The following ZMYM2 variants were observed in gnomAD, a reference collection of about 807,000 sequenced individuals.
ZMYM2 encodes zinc finger MYM-type containing 2.
Under a neutral mutation model 162.8 loss-of-function variants are expected in ZMYM2, and 56 were observed. That is an observed-to-expected ratio of 0.34 (90% CI 0.28 to 0.43). ZMYM2 has a LOEUF of 0.43. Among genes scored for constraint, ZMYM2 ranks in the 20% least tolerant of loss-of-function variants. ZMYM2 has a pLI of 1.00. For missense variants in ZMYM2, 1,275 were observed against 1,621.8 expected (o/e 0.79, Z 3.67); for synonymous variants, 510 against 541.6 (o/e 0.94, Z 0.81).
chr13:19,992,936 G>A (rs888483818), intron 2 of ZMYM2, 127 bp from the exon 3 acceptor site: 2 of 1,075,070 alleles, frequency 1.9e-6, no homozygotes, highest in Non-Finnish European at 1.3e-6. Context: ...TTTCCTGAAT[G>A]TTAGACAAGA....
intron 23 of ZMYM2, 100 bp downstream of exon 23, chr13:20,083,132 G>A (rs1320991208): frequency 1.9e-5 from 24 of 1,266,232 alleles, no homozygotes; most frequent in South Asian, 3.4e-5. Flanking sequence ...GTGCAGTCTC[G>A]GCTCACCGCA....
the ZMYM2 span, among the ~76,000 whole-genome samples, chr13:19,922,546 A>G: frequency 6.6e-6 from 1 of 152,066 alleles, no homozygotes; most frequent in East Asian, 1.9e-4. Flanking sequence ...TTTTCTCCAT[A>G]TGAAAAGCCA....
chr13:20,007,969 G>C (rs1950880167), intron 6 of ZMYM2, among the ~76,000 whole-genome samples: 1 of 152,060 alleles, frequency 6.6e-6, no homozygotes, highest in South Asian at 2.1e-4. Context: ...CTCACGCAAA[G>C]TTTTGTTTTT....
the ZMYM2 span, among the ~76,000 whole-genome samples, chr13:19,904,191 AT>A: frequency 5.2e-3 from 419 of 80,744 alleles, 1 homozygote; most frequent in African/African-American, 0.01. Flanking sequence ...AGTTCAACAC[AT>A]TTTTTTTTTA....
chr13:19,936,548 C>G, the ZMYM2 span, among the ~76,000 whole-genome samples: 1 of 151,934 alleles, frequency 6.6e-6, no homozygotes, highest in Non-Finnish European at 1.5e-5. Flanking sequence ...ATGGCGAAAC[C>G]CTGTCTCTAC....
chr13:20,039,929 A>G (rs1246924065), intron 12 of ZMYM2, among the ~76,000 whole-genome samples: 1 of 152,200 alleles, frequency 6.6e-6, no homozygotes, highest in Non-Finnish European at 1.5e-5. Context: ...CATCCCAGTG[A>G]TAGAGCCTAC....
At chr13:19,962,078 A>G (rs1594024218) in intron 2 of ZMYM2, among the ~76,000 whole-genome samples, 1 of 152,172 alleles carries the variant, frequency 6.6e-6, no homozygotes, top group South Asian at 2.1e-4. Context: ...GGGCTTTTGT[A>G]TCTCATGTGG....
At chr13:19,951,947 G>T in the ZMYM2 span, among the ~76,000 whole-genome samples, 1 of 152,108 alleles carries the variant, frequency 6.6e-6, no homozygotes, top group Admixed American at 6.6e-5. Flanking sequence ...CATGTTCATT[G>T]CAGTATTATT....
At chr13:19,904,308 G>T in the ZMYM2 span, among the ~76,000 whole-genome samples, 1 of 152,172 alleles carries the variant, frequency 6.6e-6, no homozygotes, top group Middle Eastern at 3.4e-3. Flanking sequence ...TGTAATCCCA[G>T]CACTTTGGGA....
chr13:20,019,764 A>C, intron 7 of ZMYM2, 146 bp downstream of exon 7: 1 of 694,010 alleles, frequency 1.4e-6, no homozygotes, highest in Non-Finnish European at 2.5e-6. Flanking sequence ...TGAATGTTTT[A>C]TCTCTGAGAC....
At chr13:19,954,946 G>T (rs1390310143), upstream of ZMYM2, among the ~76,000 whole-genome samples, 3 of 151,782 alleles carry the variant, frequency 2.0e-5, no homozygotes, top group African/African-American at 7.3e-5. Context: ...GAGTAGCTGG[G>T]ACTACAAGCA....
chr13:20,087,766 C>A lies in ZMYM2; in HGVS notation c.*1752C>A, dbSNP rs1310723115. The A allele has an allele frequency of 5.4e-6, 1 of 186,526 alleles. No homozygotes were observed. Among genetic ancestry groups the A allele is most frequent in the Non-Finnish European group, 1.1e-5 (1 of 88,250 alleles). 11.6% of individuals were successfully genotyped at this position (186,526 alleles called of 1,614,324 possible). A position where few individuals can be genotyped will look rare whatever the true frequency, so the allele number is the denominator to read the frequency against. ...GATAATCAGACTGATAGTAGCAAATCTGATCATACATTACTAAAATAGATT... is the reference window on the plus strand; with the variant it reads ...GATAATCAGACTGATAGTAGCAAATATGATCATACATTACTAAAATAGATT... On this transcript the variant is annotated 3_prime_UTR_variant, in exon 25 of 25. Coordinates refer to ENST00000610343, the MANE Select transcript of ZMYM2 (RefSeq NM_197968.4).
the ZMYM2 span, among the ~76,000 whole-genome samples, chr13:19,923,966 T>C: frequency 6.6e-6 from 1 of 152,142 alleles, no homozygotes; most frequent in Non-Finnish European, 1.5e-5. Context: ...CTACCGTGCC[T>C]GGCCATGGGA....
At chr13:20,083,552 A>C in intron 23 of ZMYM2, 104 bp from the exon 24 acceptor site, 2 of 883,598 alleles carry the variant, frequency 2.3e-6, no homozygotes, top group Non-Finnish European at 3.3e-6. Flanking sequence ...TAAAACTCCA[A>C]GGGGCACCTG....
intron 2 of ZMYM2, among the ~76,000 whole-genome samples, chr13:19,974,002 A>T (rs1956566451): frequency 6.6e-6 from 1 of 152,232 alleles, no homozygotes; most frequent in Non-Finnish European, 1.5e-5. Context: ...AAATGGAAAG[A>T]TGTGCCAGTG....
chr13:19,992,832 T>G (rs1949731675), intron 2 of ZMYM2, among the ~76,000 whole-genome samples: 1 of 152,138 alleles, frequency 6.6e-6, no homozygotes, highest in Non-Finnish European at 1.5e-5. Context: ...TATGATTAAT[T>G]ATCCAATAAA....
rs1200652740 is a variant in ZMYM2, at chr13:20,046,619, GTA to G, written c.2293-4806_2293-4805del. ...TGTGTGTGTGTGTGTATATATATGT[GTA>G]TATATATGTGTATATATATGTGTAC... On this transcript the variant is annotated intron_variant, in intron 12 of 24. Transcript: ENST00000610343. Among the ~76,000 whole-genome samples the G allele has an allele frequency of 3.3e-3, 193 of 59,080 alleles. 1 individual carries two copies. The highest frequency in any genetic ancestry group is 0.016 in the Admixed American group (90 of 5,606). The allele number at this position is 59,080 out of a possible 152,430, so 38.8% of individuals were successfully genotyped here.
chr13:20,001,843 T>C (rs974375872), intron 3 of ZMYM2, among the ~76,000 whole-genome samples: 6 of 152,250 alleles, frequency 3.9e-5, no homozygotes, highest in African/African-American at 1.4e-4. Context: ...ATTAGTGTTT[T>C]TTAGCAATAA....
rs259801 is a variant in ZMYM2 at position 20,041,902 on chromosome 13, A to T, written c.2292+4993A>T. Reference sequence around the variant, plus strand: ...ATTGGCCCCCAATCTCTTCTGGCTTATAGGGTTTCTGCTGAGAGATCTGCT... The same window carrying T: ...ATTGGCCCCCAATCTCTTCTGGCTTTTAGGGTTTCTGCTGAGAGATCTGCT... On this transcript the variant is annotated intron_variant, in intron 12 of 24. Coordinates refer to ENST00000610343, the MANE Select transcript of ZMYM2 (RefSeq NM_197968.4). 3.3e-5 allele frequency among the ~76,000 whole-genome samples: 5 copies of T among 152,262 alleles called. No individual in the cohort carries two copies. The East Asian group carries it at 9.7e-4, about 29-fold the overall frequency.
Sources: gnomAD v4.1 joint callset for allele counts (sites outside exome capture counted in the v4.1 genomes callset) on GRCh38, gnomAD v4.1.1 for gene constraint, MANE v1.5 for transcripts, NCBI Gene and HGNC (gene_info 2026-07-23, HGNC 2026-07-21) for gene names.